PARVB: variants seen among roughly 807,000 people sequenced by gnomAD.
The protein encoded by PARVB is beta-parvin.
A neutral mutation model predicts 47.0 loss-of-function variants in PARVB; 46 were observed. The observed-to-expected ratio is 0.98, with a 90% confidence interval of 0.77 to 1.25. PARVB has a LOEUF of 1.25. Ranked by LOEUF, PARVB falls within the 50% of genes most tolerant of loss-of-function variation. The pLI, the probability that PARVB is intolerant of heterozygous loss-of-function variation, is 0.00. For synonymous variants in PARVB, 196 were observed against 196.3 expected (o/e 1.00, Z 0.01); for missense variants, 473 against 471.6 (o/e 1.00, Z -0.03).
intron 10 of PARVB, among the ~76,000 whole-genome samples, chr22:44,156,132 C>T (rs903526701): frequency 5.3e-5 from 8 of 152,096 alleles, no homozygotes; most frequent in African/African-American, 1.7e-4. Context: ...CACCACTGCA[C>T]TCCAGCAGGG....
intron 3 of PARVB, chr22:44,107,202 T>C (rs1281035113): frequency 1.3e-5 from 2 of 152,268 alleles, no homozygotes; most frequent in African/African-American, 4.8e-5. Flanking sequence ...AAGTCATCTT[T>C]GCTGGTGTTT....
intron 1 of PARVB, among the ~76,000 whole-genome samples, chr22:44,084,633 A>G (rs910011): frequency 0.19 from 28,619 of 152,246 alleles, 3,840 homozygotes; most frequent in African/African-American, 0.39. Flanking sequence ...GCTGTCACCC[A>G]TAGTCTCAGA....
rs2050713456 is a variant in PARVB, at chr22:44,025,461, C to A, written c.112+1010C>A. On this transcript the variant is annotated intron_variant, in intron 1 of 12. Coordinates refer to ENST00000338758, the MANE Select transcript of PARVB (RefSeq NM_013327.5). ...CTCTAGGCATGTGTGTGCCCCCATG[C>A]ACCTGCTCCCCAGGATTTTTGTACA... 2.6e-5 allele frequency among the ~76,000 whole-genome samples: 4 copies of A among 152,134 alleles called. No homozygotes were observed. In the South Asian group the frequency reaches 8.3e-4, roughly 32 times the overall value.
chr22:44,124,849 G>A (rs78022593), intron 4 of PARVB, among the ~76,000 whole-genome samples: 3,340 of 152,254 alleles, frequency 0.022, 113 homozygotes, highest in African/African-American at 0.071. Context: ...GGACTGCGGG[G>A]GGACTGCCAC....
chr22:44,005,413 GT>G (rs35410688), intron 2 of PARVB, among the ~76,000 whole-genome samples: 26,435 of 143,236 alleles, frequency 0.18, 2,459 homozygotes, highest in South Asian at 0.22. Flanking sequence ...ACGCCTGGCC[GT>G]TTTTTTTTTT....
intron 4 of PARVB, among the ~76,000 whole-genome samples, chr22:44,129,078 C>CA (rs1023087335): frequency 2.6e-5 from 4 of 151,522 alleles, no homozygotes; most frequent in South Asian, 2.1e-4. Flanking sequence ...AACTCCATCT[C>CA]AAAAAAATAA....
chr22:44,151,488 C>T lies in PARVB; in HGVS notation c.780C>T (p.Leu260=), dbSNP rs1209323290. The T allele has an allele frequency of 1.9e-6, 3 of 1,613,332 alleles. No individual in the cohort carries two copies. Among genetic ancestry groups the T allele is most frequent in the Non-Finnish European group, 2.5e-6 (3 of 1,179,426 alleles). The change falls in exon 10 of 13, where the codon CTC becomes CTT. Residue 260 remains leucine (L), a synonymous_variant. Coordinates refer to ENST00000338758, the MANE Select transcript of PARVB (RefSeq NM_013327.5). ...GTCTCTTTTATTCTTGGCAGTCTCT[C>T]ATCACTTTTGTGAACAAGCACCTGA... The part of the protein sequence containing the change: ...PDKLSVVKKS[L]ITFVNKHLNK...
rs1392215466 is a variant in PARVB, at chr22:44,049,425, G to A, written c.112+24974G>A. ...TCCTGTCTGATTAAATTTGAGGTTC[G>A]TTTCTCAAGTTTAGCTCTTGTCTGA... is the stretch of plus-strand genomic sequence containing the variant. On this transcript the variant is annotated intron_variant, in intron 1 of 12. Transcript: ENST00000338758. The surrounding 1 kb of genome is among the most constrained non-coding windows in gnomAD (Gnocchi z 4.0). Among the ~76,000 whole-genome samples, 5 of 152,166 alleles carry A rather than the reference G, an allele frequency of 3.3e-5. No homozygotes were observed. The highest frequency in any genetic ancestry group is 7.3e-5 in the Non-Finnish European group (5 of 68,038).
chr22:44,141,679 G>A (rs181683345), intron 8 of PARVB: 1 of 152,408 alleles, frequency 6.6e-6, no homozygotes, highest in East Asian at 1.9e-4. Context: ...TGTGGAGAGG[G>A]GAAGTGGCTC....
At chr22:44,122,585 AGAGAGAGAGAGAGAGAGAGAGAGAG>A (rs2053092595) in intron 4 of PARVB, among the ~76,000 whole-genome samples, 1 of 144,126 alleles carries the variant, frequency 6.9e-6, no homozygotes, top group African/African-American at 2.6e-5. Flanking sequence ...AGAGAGAGAG[AGAGAGAGAGAGAGAGAGAGAGAGAG>A]GTCTCACTGC....
rs79503688 is a variant in PARVB, at chr22:44,083,218, C to T, written c.113-10710C>T. Among the ~76,000 whole-genome samples the T allele has an allele frequency of 2.1e-3, 315 of 152,304 alleles. 6 individuals are homozygous for T. In the East Asian group the frequency reaches 0.044, roughly 21 times the overall value. ...TGGAGGTGGGATGCTGTGTGAGAGC[C>T]GTCAGTTCAGTTCCCTGACTTTCTC... On this transcript the variant is annotated intron_variant, in intron 1 of 12. Coordinates refer to ENST00000338758, the MANE Select transcript of PARVB (RefSeq NM_013327.5).
chr22:44,035,523 A>C (rs1319460180), intron 1 of PARVB, among the ~76,000 whole-genome samples: 1 of 151,846 alleles, frequency 6.6e-6, no homozygotes, highest in East Asian at 1.9e-4. Flanking sequence ...GGCATGTGCC[A>C]CCGTGCCCGG....
chr22:44,148,225 C>G, intron 9 of PARVB: 1 of 422,010 alleles, frequency 2.4e-6, no homozygotes, highest in Non-Finnish European at 4.5e-6. Context: ...TGTTTTTAAG[C>G]ATGTCAGCCT....
At chr22:44,110,061 C>T (rs548507547) in intron 3 of PARVB, 2 of 135,428 alleles carry the variant, frequency 1.5e-5, no homozygotes, top group South Asian at 2.3e-4. Flanking sequence ...TGCAGTGAGC[C>T]GAGATCCCGC....
At chr22:44,122,791 G>A (rs536783272) in intron 4 of PARVB, among the ~76,000 whole-genome samples, 57 of 151,994 alleles carry the variant, frequency 3.8e-4, no homozygotes, top group Non-Finnish European at 7.1e-4. Context: ...TGCTTGTTTC[G>A]CTTAATATGT....
chr22:44,163,766 G>T (rs577555043), intron 11 of PARVB, 92 bp from the exon 12 acceptor site: 1 of 1,111,712 alleles, frequency 9.0e-7, no homozygotes, highest in Non-Finnish European at 1.3e-6. Flanking sequence ...GCAGAGGCTC[G>T]GTCCTGTCCA....
At chr22:44,167,749 C>T in intron 12 of PARVB, among the ~76,000 whole-genome samples, 1 of 151,554 alleles carries the variant, frequency 6.6e-6, no homozygotes, top group Non-Finnish European at 1.5e-5. Flanking sequence ...CCGGGTGTGT[C>T]CCCAAGCCCA....
chr22:44,053,898 G>A (rs574946775), intron 1 of PARVB, among the ~76,000 whole-genome samples: 1 of 151,906 alleles, frequency 6.6e-6, no homozygotes, highest in East Asian at 2.0e-4. Flanking sequence ...CTCTCTGGGC[G>A]TGCCACTTTG....
At chr22:44,100,146 G>T in intron 3 of PARVB, 23 bp downstream of exon 3, 1 of 1,595,788 alleles carries the variant, frequency 6.3e-7, no homozygotes, top group Non-Finnish European at 8.6e-7. Flanking sequence ...GTCTTGGTTG[G>T]AATCTTCCTC....
Sources: gnomAD v4.1 joint callset for allele counts (sites outside exome capture counted in the v4.1 genomes callset) on GRCh38, gnomAD v4.1.1 for gene constraint, Gnocchi (gnomAD v3.1) non-coding constraint, MANE v1.5 for transcripts, NCBI Gene and HGNC (gene_info 2026-07-23, HGNC 2026-07-21) for gene names.